Variants in RUFY2 observed in about 807,000 individuals in gnomAD.
RUFY2 encodes the protein RUN and FYVE domain containing 2.
RUFY2 carries 49 observed loss-of-function variants against 94.4 expected under a neutral mutation model. The observed-to-expected ratio is 0.52, with a 90% confidence interval of 0.41 to 0.66. The LOEUF (loss-of-function observed/expected upper bound fraction) is 0.66. Ranked by LOEUF, RUFY2 falls within the 30% of genes least tolerant of loss-of-function variation. The probability of loss-of-function intolerance (pLI) is 0.00; values close to 1 mark genes in which losing one functional copy is unlikely to be tolerated. For missense variants in RUFY2, 541 were observed against 692.8 expected, an observed-to-expected ratio of 0.78 and a Z score of 2.46; for synonymous variants, 255 against 235.7, an observed-to-expected ratio of 1.08 and a Z score of -0.75.
At position 68,345,760 on chromosome 10, in the gene RUFY2, C is replaced by A; in HGVS notation, c.*8G>T. 6.2e-7 allele frequency: 1 copy of A among 1,608,536 alleles called. No individual in the cohort carries two copies. The highest frequency in any genetic ancestry group is 8.5e-7 in the Non-Finnish European group (1 of 1,176,596). On this transcript the variant is annotated 3_prime_UTR_variant, in exon 18 of 18. Coordinates refer to ENST00000602465, the MANE Select transcript of RUFY2 (RefSeq NM_001330103.2). ...TAATTTCATACATAAGGATTTAGTT[C>A]TGGAGTCTCAGGGCAAGTTAGATGA...
chr10:68,398,195 T>C (rs1451009265), intron 3 of RUFY2, among the ~76,000 whole-genome samples: 1 of 149,594 alleles, frequency 6.7e-6, no homozygotes, highest in Non-Finnish European at 1.5e-5. Flanking sequence ...ATAGGTAACA[T>C]TATATCTGAA....
chr10:68,353,359 G>T (rs533262109), intron 16 of RUFY2, among the ~76,000 whole-genome samples: 8 of 149,926 alleles, frequency 5.3e-5, no homozygotes, highest in African/African-American at 1.5e-4. Context: ...TGAGCTAGGC[G>T]TGGGGGCAGG....
intron 12 of RUFY2, chr10:68,377,295 T>C: frequency 1.7e-6 from 2 of 1,143,874 alleles, no homozygotes; most frequent in Non-Finnish European, 2.2e-6. Flanking sequence ...TTTCAAAGCA[T>C]AATAGGTATG....
chr10:68,383,256 C>G (rs1428900431), intron 10 of RUFY2, among the ~76,000 whole-genome samples: 1 of 152,114 alleles, frequency 6.6e-6, no homozygotes, highest in East Asian at 1.9e-4. Context: ...ACCTGGAAGG[C>G]AGAGGCTGCA....
intron 13 of RUFY2, among the ~76,000 whole-genome samples, chr10:68,368,235 T>C (rs2048002937): frequency 6.6e-6 from 1 of 150,496 alleles, no homozygotes; most frequent in South Asian, 2.1e-4. Flanking sequence ...CCAAAAGTGC[T>C]AGGATTACAG....
chr10:68,380,929 C>T (rs1465629068), intron 11 of RUFY2, among the ~76,000 whole-genome samples: 1 of 152,058 alleles, frequency 6.6e-6, no homozygotes, highest in Non-Finnish European at 1.5e-5. Flanking sequence ...TTAAATCTTT[C>T]TTAGAACTAC....
At chr10:68,398,390 G>A (rs1056577936) in intron 3 of RUFY2, among the ~76,000 whole-genome samples, 9 of 151,758 alleles carry the variant, frequency 5.9e-5, no homozygotes, top group African/African-American at 2.4e-5. Context: ...GGTGGCTCAC[G>A]CCTGTAATCC....
At chr10:68,400,128 T>C (rs1041829580) in intron 3 of RUFY2, among the ~76,000 whole-genome samples, 2 of 151,830 alleles carry the variant, frequency 1.3e-5, no homozygotes, top group African/African-American at 4.8e-5. Context: ...CTGGTCAATA[T>C]GGCAAAACCC....
intron 13 of RUFY2, among the ~76,000 whole-genome samples, chr10:68,368,960 C>T (rs573974858): frequency 3.3e-5 from 5 of 152,124 alleles, no homozygotes; most frequent in Non-Finnish European, 7.4e-5. Context: ...AAAACCCATG[C>T]CCCCGCAACA....
At chr10:68,368,877 G>C (rs1456962522) in intron 13 of RUFY2, among the ~76,000 whole-genome samples, 1 of 152,118 alleles carries the variant, frequency 6.6e-6, no homozygotes, top group Non-Finnish European at 1.5e-5. Flanking sequence ...CCGGGCCAAA[G>C]GGCCAGGAAA....
intron 6 of RUFY2, chr10:68,393,793 C>A: frequency 2.6e-6 from 1 of 387,988 alleles, no homozygotes; most frequent in Non-Finnish European, 4.4e-6. Flanking sequence ...GAATAATAAG[C>A]TTTCATCTCT....
chr10:68,348,185 ATTTT>A (rs375494025), intron 16 of RUFY2, among the ~76,000 whole-genome samples: 1 of 143,426 alleles, frequency 7.0e-6, no homozygotes, highest in Non-Finnish European at 1.5e-5. Context: ...GAATCATAGA[ATTTT>A]TTTTTTTTTT....
rs1049766448 is a variant in RUFY2 at position 68,343,422 on chromosome 10, T to C, written c.*2346A>G. On this transcript the variant is annotated 3_prime_UTR_variant, in exon 18 of 18. Coordinates refer to ENST00000602465, the MANE Select transcript of RUFY2 (RefSeq NM_001330103.2). The stretch of plus-strand genomic sequence containing the variant: ...CACCACCTGTCTTTTTTGAAAGTTG[T>C]ATGTGTTTTATTTTCCCAGGATTAC... 4 of 152,632 alleles carry C rather than the reference T, an allele frequency of 2.6e-5. No homozygotes were observed. Among genetic ancestry groups the C allele is most frequent in the African/African-American group, 9.6e-5 (4 of 41,462 alleles). 9.5% of individuals were successfully genotyped at this position (152,632 alleles called of 1,614,324 possible). A position where few individuals can be genotyped will look rare whatever the true frequency, so the allele number is the denominator to read the frequency against.
At chr10:68,355,241 G>A in intron 16 of RUFY2, 112 bp downstream of exon 16, 1 of 710,100 alleles carries the variant, frequency 1.4e-6, no homozygotes, top group Non-Finnish European at 2.4e-6. Context: ...CTCATTCAGT[G>A]CTTCGGCCTC....
intron 15 of RUFY2, among the ~76,000 whole-genome samples, chr10:68,359,232 G>A (rs2047262527): frequency 6.6e-6 from 1 of 151,688 alleles, no homozygotes; most frequent in African/African-American, 2.4e-5. Context: ...TACAAAATTA[G>A]CCAGATGTGG....
chr10:68,364,018 C>G lies in RUFY2; in HGVS notation c.1421G>C (p.Arg474Thr). 2 of 1,604,736 alleles carry G rather than the reference C, an allele frequency of 1.2e-6. No individual in the cohort carries two copies. The highest frequency in any genetic ancestry group is 1.3e-5 in the African/African-American group (1 of 74,916). The change falls in exon 14 of 18, where the codon AGA becomes ACA. Residue 474 changes from arginine (R) to threonine (T), a missense_variant. Physicochemically the swap from Arg to Thr is moderately conservative, Grantham distance 71. Around this residue, in one of 3 missense-constraint regions of RUFY2, gnomAD observed 403 missense variants for 480.7 expected, o/e 0.84. Transcript: ENST00000602465. ...ACTAATGATTTGTTGAGTCTCATTTCTAAGATGAGATAAGGCATCTTTCTC... is the reference window on the plus strand; with the variant it reads ...ACTAATGATTTGTTGAGTCTCATTTGTAAGATGAGATAAGGCATCTTTCTC... ...QKEKDALSHL[R>T]NETQQIISLK...
intron 10 of RUFY2, among the ~76,000 whole-genome samples, chr10:68,383,283 C>A (rs1419270009): frequency 1.3e-5 from 2 of 152,004 alleles, no homozygotes; most frequent in Non-Finnish European, 2.9e-5. Flanking sequence ...CAAGATCGCA[C>A]CACTGCACTC....
At chr10:68,354,143 ATAT>A (rs1238608988) in intron 16 of RUFY2, among the ~76,000 whole-genome samples, 3 of 152,050 alleles carry the variant, frequency 2.0e-5, no homozygotes, top group African/African-American at 7.2e-5. Context: ...ATTATTAATA[ATAT>A]TATTTGGAGT....
chr10:68,354,165 C>T (rs966487546), intron 16 of RUFY2, among the ~76,000 whole-genome samples: 26 of 152,086 alleles, frequency 1.7e-4, no homozygotes, highest in African/African-American at 5.8e-4. Flanking sequence ...GTTAAATCTT[C>T]TTAGTATAAT....
Sources: allele counts gnomAD v4.1 joint callset (sites outside exome capture counted in the v4.1 genomes callset), GRCh38; gene constraint gnomAD v4.1.1; regional missense constraint gnomAD v4.1.1; transcripts MANE v1.5; gene names NCBI Gene and HGNC (gene_info 2026-07-23, HGNC 2026-07-21).